Variants in PCCA observed in about 807,000 individuals in gnomAD.
The protein encoded by PCCA is propionyl-CoA carboxylase subunit alpha, also known as propionyl-CoA carboxylase alpha chain, mitochondrial.
In PCCA, 74 loss-of-function variants were observed where a neutral mutation model predicts 101.3. The ratio of observed to expected loss-of-function variants is 0.73; its 90% CI spans 0.61 to 0.89. PCCA has a LOEUF of 0.89. Among genes scored for constraint, PCCA ranks in the 40% least tolerant of loss-of-function variants. PCCA has a pLI of 0.00. For missense variants in PCCA, 891 were observed against 907.0 expected (o/e 0.98, Z 0.23); for synonymous variants, 294 against 313.6 (o/e 0.94, Z 0.66).
At position 100,368,477 on chromosome 13, in the gene PCCA, C is replaced by G. The variant is rs1373302059; in HGVS notation, c.1649C>G (p.Pro550Arg). 3.2e-6 allele frequency: 5 copies of G among 1,550,660 alleles called. No homozygotes were observed. Among genetic ancestry groups the G allele is most frequent in the Non-Finnish European group, 3.6e-6 (4 of 1,123,760 alleles). ...TTCTTTTCATTCTACTTCAGAATGC[C>G]TGTTATTAAACCAGACATAGCCAAC... ...AQHFQENSRM[P>R]VIKPDIANWE... Residue 550 changes from proline to arginine, a missense_variant, in exon 19 of 24, where the codon CCT (proline) becomes CGT (arginine). Pro to Arg is a moderately radical substitution (Grantham distance 103). Coordinates refer to ENST00000376285, the MANE Select transcript of PCCA (RefSeq NM_000282.4).
chr13:100,438,108 T>G (rs1357094331), intron 20 of PCCA, among the ~76,000 whole-genome samples: 5 of 152,168 alleles, frequency 3.3e-5, no homozygotes, highest in African/African-American at 7.2e-5. Context: ...CCATGTTGTT[T>G]TTTTTTTCTT....
At chr13:100,506,326 AC>A (rs1397002678) in intron 21 of PCCA, among the ~76,000 whole-genome samples, 7 of 126,486 alleles carry the variant, frequency 5.5e-5, no homozygotes, top group East Asian at 2.7e-4. Flanking sequence ...TTCTTAGGCA[AC>A]CCCCCTACCA....
chr13:100,448,228 T>A (rs2080978515), intron 20 of PCCA, among the ~76,000 whole-genome samples: 1 of 152,152 alleles, frequency 6.6e-6, no homozygotes, highest in Non-Finnish European at 1.5e-5. Flanking sequence ...CTCACTGTCA[T>A]CCAGGCTGGA....
At chr13:100,150,808 T>C in intron 4 of PCCA, 1 of 1,584,970 alleles carries the variant, frequency 6.3e-7, no homozygotes, top group East Asian at 2.2e-5. Flanking sequence ...ACTGAAGGCT[T>C]GGAGCAAACT....
intron 4 of PCCA, among the ~76,000 whole-genome samples, chr13:100,145,293 A>G (rs2052395675): frequency 6.6e-6 from 1 of 152,132 alleles, no homozygotes; most frequent in Non-Finnish European, 1.5e-5. Flanking sequence ...GTCATGGGCG[A>G]CTGTCCTGCA....
chr13:100,268,500 T>C (rs2063090572), intron 10 of PCCA, 189 bp from the exon 11 acceptor site: 1 of 659,796 alleles, frequency 1.5e-6, no homozygotes, highest in Non-Finnish European at 2.8e-6. Flanking sequence ...AAAAATGTTT[T>C]ATTGAGCTTT....
chr13:100,354,345 AGGAG>A (rs59424979), intron 18 of PCCA, among the ~76,000 whole-genome samples: 73,081 of 95,770 alleles, frequency 0.76, 26,382 homozygotes, highest in Middle Eastern at 0.84. Context: ...GGGCGGTGGG[AGGAG>A]GGAGGGAGGG....
chr13:100,151,170 A>G, intron 4 of PCCA: 1 of 809,754 alleles, frequency 1.2e-6, no homozygotes, highest in Non-Finnish European at 1.9e-6. Flanking sequence ...AATAAAGAAG[A>G]TGATTTTTCT....
At chr13:100,402,788 A>G (rs1439837719) in intron 19 of PCCA, among the ~76,000 whole-genome samples, 1 of 152,150 alleles carries the variant, frequency 6.6e-6, no homozygotes, top group Non-Finnish European at 1.5e-5. Flanking sequence ...AACAAAATGA[A>G]TAGAATAGGT....
chr13:100,323,274 C>A (rs538703087), intron 16 of PCCA, among the ~76,000 whole-genome samples: 4 of 152,062 alleles, frequency 2.6e-5, no homozygotes, highest in Non-Finnish European at 4.4e-5. Context: ...GTTACACTTT[C>A]CAAATAGATA....
chr13:100,327,034 A>T (rs1316935469), intron 16 of PCCA, among the ~76,000 whole-genome samples: 1 of 152,092 alleles, frequency 6.6e-6, no homozygotes. Flanking sequence ...ATTTTTTTCT[A>T]CTAGATTACA....
intron 6 of PCCA, among the ~76,000 whole-genome samples, chr13:100,200,779 C>G (rs1009781951): frequency 1.3e-5 from 2 of 151,510 alleles, no homozygotes; most frequent in Non-Finnish European, 2.9e-5. Context: ...ATAAAATGCA[C>G]ATAACATTTT....
chr13:100,194,698 C>T (rs923127942), intron 6 of PCCA, among the ~76,000 whole-genome samples: 17 of 152,162 alleles, frequency 1.1e-4, no homozygotes, highest in African/African-American at 7.2e-5. Context: ...GGATTACAGG[C>T]GTGAGCCACT....
intron 4 of PCCA, among the ~76,000 whole-genome samples, chr13:100,144,663 A>G (rs1259951455): frequency 6.6e-6 from 1 of 152,200 alleles, no homozygotes; most frequent in Non-Finnish European, 1.5e-5. Flanking sequence ...AAAAAATTTA[A>G]AAGTCCTGAC....
At chr13:100,421,977 A>C (rs543301428) in intron 19 of PCCA, among the ~76,000 whole-genome samples, 16 of 150,124 alleles carry the variant, frequency 1.1e-4, no homozygotes, top group African/African-American at 3.9e-4. Flanking sequence ...GAGCCACTGC[A>C]CCCAACCCAT....
chr13:100,216,001 T>A (rs1455894666), intron 7 of PCCA, among the ~76,000 whole-genome samples: 1 of 152,128 alleles, frequency 6.6e-6, no homozygotes, highest in Non-Finnish European at 1.5e-5. Context: ...GTAAATGCTA[T>A]GTAAATAGTT....
chr13:100,158,043 A>G (rs947990185), intron 6 of PCCA, among the ~76,000 whole-genome samples: 1 of 152,244 alleles, frequency 6.6e-6, no homozygotes, highest in Non-Finnish European at 1.5e-5. Context: ...TGAACATCAC[A>G]GAGTCTACTT....
intron 10 of PCCA, among the ~76,000 whole-genome samples, chr13:100,263,968 C>T (rs191586553): frequency 1.4e-4 from 20 of 145,964 alleles, no homozygotes; most frequent in South Asian, 4.4e-4. Flanking sequence ...GTCATATATA[C>T]GGTATCTGTA....
intron 21 of PCCA, among the ~76,000 whole-genome samples, chr13:100,506,043 G>A (rs1322355049): frequency 6.6e-6 from 1 of 152,182 alleles, no homozygotes; most frequent in Non-Finnish European, 1.5e-5. Flanking sequence ...TGATTTTAGA[G>A]TTGACATCTG....
Sources: allele counts gnomAD v4.1 joint callset (sites outside exome capture counted in the v4.1 genomes callset), GRCh38; gene constraint gnomAD v4.1.1; transcripts MANE v1.5; gene names NCBI Gene and HGNC (gene_info 2026-07-23, HGNC 2026-07-21).